Variants in MAEA observed in about 807,000 individuals in gnomAD.
The protein encoded by MAEA is E3 ubiquitin-protein transferase MAEA.
Under a neutral mutation model 46.2 loss-of-function variants are expected in MAEA, and 22 were observed. The observed-to-expected ratio is 0.48, with a 90% CI of 0.34 to 0.68. The LOEUF (loss-of-function observed/expected upper bound fraction) is 0.68, where lower values mean the gene tolerates loss of function less well. Ranked by LOEUF, MAEA falls within the 30% of genes least tolerant of loss-of-function variation. The pLI is 0.01. For synonymous variants in MAEA, 246 were observed against 222.6 expected, an observed-to-expected ratio of 1.11 and a Z score of -0.94; for missense variants, 393 against 558.1, an observed-to-expected ratio of 0.70 and a Z score of 2.98.
chr4:1,308,519 T>C (rs1381972956), intron 1 of MAEA, among the ~76,000 whole-genome samples: 2 of 152,230 alleles, frequency 1.3e-5, no homozygotes, highest in African/African-American at 2.4e-5. Context: ...CTCTACACGC[T>C]GCGCCGGGCA....
At chr4:1,312,871 A>G (rs547465107) in intron 2 of MAEA, among the ~76,000 whole-genome samples, 1 of 152,220 alleles carries the variant, frequency 6.6e-6, no homozygotes, top group Non-Finnish European at 1.5e-5. Context: ...GAAACGTCGC[A>G]CTGAAAATAC....
At chr4:1,325,742 C>T (rs1217429717) in intron 4 of MAEA, among the ~76,000 whole-genome samples, 1 of 152,140 alleles carries the variant, frequency 6.6e-6, no homozygotes, top group East Asian at 1.9e-4. Context: ...CAGGCTGGCT[C>T]TGAAGGGAGC....
At chr4:1,299,328 C>T (rs549543587) in intron 1 of MAEA, among the ~76,000 whole-genome samples, 4 of 152,336 alleles carry the variant, frequency 2.6e-5, no homozygotes, top group Non-Finnish European at 5.9e-5. Context: ...TCTGTTGTCA[C>T]AGCTCATGCC....
intron 1 of MAEA, among the ~76,000 whole-genome samples, chr4:1,296,813 A>G (rs1734777409): frequency 6.6e-6 from 1 of 151,738 alleles, no homozygotes; most frequent in Non-Finnish European, 1.5e-5. Context: ...CTGCCTCGAG[A>G]CGCTCCCATC....
intron 1 of MAEA, among the ~76,000 whole-genome samples, chr4:1,290,759 A>C (rs1734023969): frequency 6.6e-6 from 1 of 152,146 alleles, no homozygotes; most frequent in African/African-American, 2.4e-5. Flanking sequence ...CCTGGTGTTC[A>C]CGTCCGTCTG....
intron 2 of MAEA, among the ~76,000 whole-genome samples, chr4:1,313,612 A>G (rs1736778254): frequency 6.6e-6 from 1 of 152,148 alleles, no homozygotes; most frequent in Non-Finnish European, 1.5e-5. Context: ...TAGCCCCAGC[A>G]GATACTCAGG....
intron 4 of MAEA, chr4:1,323,516 G>C (rs1228341869): frequency 1.4e-6 from 1 of 702,474 alleles, no homozygotes; most frequent in Non-Finnish European, 2.6e-6. Context: ...CAAGCACGAA[G>C]CAAAGACGGG....
chr4:1,321,087 G>A (rs935775639), intron 3 of MAEA, among the ~76,000 whole-genome samples: 1 of 152,040 alleles, frequency 6.6e-6, no homozygotes, highest in South Asian at 2.1e-4. Flanking sequence ...GCGGCAGAGC[G>A]AGACTCCGTC....
intron 3 of MAEA, among the ~76,000 whole-genome samples, chr4:1,318,524 A>G (rs1363228461): frequency 6.6e-6 from 1 of 151,886 alleles, no homozygotes; most frequent in Non-Finnish European, 1.5e-5. Context: ...GAGGGCCTGG[A>G]GCTGCTGTGT....
At chr4:1,335,043 A>G (rs1712565095) in intron 6 of MAEA, 1 of 985,146 alleles carries the variant, frequency 1.0e-6, no homozygotes, top group African/African-American at 1.7e-5. Context: ...GTCTCCCCCC[A>G]AGCTAGAGAC....
In MAEA at chr4:1,315,548, G is replaced by A. The variant is rs1398403410; in HGVS notation, c.404G>A (p.Arg135His). 6 of 1,613,644 alleles carry A rather than the reference G, an allele frequency of 3.7e-6. No homozygotes were observed. The highest frequency in any genetic ancestry group is 1.3e-5 in the African/African-American group (1 of 74,928). The change falls in exon 3 of 9, where the codon CGT becomes CAT. Residue 135 changes from arginine (R) to histidine (H), a missense_variant. Arg to His is a conservative substitution (Grantham distance 29, BLOSUM62 0). Coordinates refer to ENST00000303400, the MANE Select transcript of MAEA (RefSeq NM_001017405.3). ...CGCATGATGGTGGAGCACCTGCTGC[G>A]TTGCGGCTACTACAACACGGCTGTC... ...MDRMMVEHLL[R>H]CGYYNTAVKL...
At chr4:1,315,886 CAA>C (rs1342177555) in intron 3 of MAEA, among the ~76,000 whole-genome samples, 6 of 25,832 alleles carry the variant, frequency 2.3e-4, no homozygotes, top group Non-Finnish European at 3.8e-4. Context: ...CCCCCCCCCC[CAA>C]TGTGCGTGTT....
At chr4:1,328,650 G>A (rs1367267128) in intron 5 of MAEA, 6 of 1,276,672 alleles carry the variant, frequency 4.7e-6, no homozygotes, top group East Asian at 5.7e-5. Flanking sequence ...GGGTGGCCGA[G>A]TGTTCCACAG....
In MAEA at chr4:1,312,129, G is replaced by A. The variant is rs767238452; in HGVS notation, c.220G>A (p.Val74Met). ...VDSVVSLLDG[V>M]VEKLSVLKRK... ...CTCCGTGGTCAGCCTGCTGGACGGCGTGGTGGAGAAGCTCAGCGTCCTCAA... is the reference window on the plus strand; with the variant it reads ...CTCCGTGGTCAGCCTGCTGGACGGCATGGTGGAGAAGCTCAGCGTCCTCAA... The change falls in exon 2 of 9, where the codon GTG (valine) becomes ATG (methionine). Residue 74 changes from valine (V) to methionine (M), a missense_variant. Coordinates refer to ENST00000303400, the MANE Select transcript of MAEA (RefSeq NM_001017405.3). 6.8e-6 allele frequency: 11 copies of A among 1,613,806 alleles called. No homozygotes were observed. Among genetic ancestry groups the A allele is most frequent in the Admixed American group, 3.3e-5 (2 of 60,010 alleles).
At chr4:1,328,601 G>T in intron 5 of MAEA, 1 of 1,213,114 alleles carries the variant, frequency 8.2e-7, no homozygotes, top group Non-Finnish European at 1.1e-6. Flanking sequence ...CATGCCCACA[G>T]AAACCCGACC....
chr4:1,291,475 G>C (rs79719871), intron 1 of MAEA, among the ~76,000 whole-genome samples: 5,793 of 152,302 alleles, frequency 0.038, 175 homozygotes, highest in Non-Finnish European at 0.058. Flanking sequence ...TGTTGGTTTA[G>C]AGATGGAGAC....
At chr4:1,327,733 G>C (rs1266971587) in intron 5 of MAEA, 30 bp downstream of exon 5, 1 of 1,598,942 alleles carries the variant, frequency 6.3e-7, no homozygotes, top group Non-Finnish European at 8.6e-7. Context: ...GTCTCCTCGA[G>C]GGAGGGCAGG....
intron 1 of MAEA, among the ~76,000 whole-genome samples, chr4:1,310,493 C>T (rs1260301413): frequency 6.6e-6 from 1 of 152,258 alleles, no homozygotes; most frequent in Non-Finnish European, 1.5e-5. Context: ...GGCTTCGAGT[C>T]CGTCTCCTGT....
intron 4 of MAEA, among the ~76,000 whole-genome samples, chr4:1,324,703 GA>G (rs1738579948): frequency 2.6e-5 from 3 of 113,752 alleles, no homozygotes; most frequent in Non-Finnish European, 5.1e-5. Context: ...GTTGAGATTG[GA>G]TGCCTGGTGG....
Sources: allele counts gnomAD v4.1 joint callset (sites outside exome capture counted in the v4.1 genomes callset), GRCh38; gene constraint gnomAD v4.1.1; transcripts MANE v1.5; gene names NCBI Gene and HGNC (gene_info 2026-07-23, HGNC 2026-07-21).